Variants in FHIT observed in about 807,000 individuals in gnomAD.
The protein encoded by FHIT is fragile histidine triad diadenosine triphosphatase, also known as bis(5'-adenosyl)-triphosphatase.
Under a neutral mutation model 17.9 loss-of-function variants are expected in FHIT, and 19 were observed. The ratio of observed to expected loss-of-function variants is 1.06; its 90% CI spans 0.74 to 1.56. The LOEUF (loss-of-function observed/expected upper bound fraction) is 1.56, where lower values mean the gene tolerates loss of function less well. Ranked by LOEUF, FHIT falls within the 40% of genes most tolerant of loss-of-function variation. The pLI is 0.00. For missense variants in FHIT, 248 were observed against 189.2 expected, an observed-to-expected ratio of 1.31 and a Z score of -1.82; for synonymous variants, 81 against 69.7, an observed-to-expected ratio of 1.16 and a Z score of -0.81.
intron 4 of FHIT, among the ~76,000 whole-genome samples, chr3:60,632,177 G>T (rs906150611): frequency 1.4e-4 from 22 of 152,034 alleles, no homozygotes; most frequent in Admixed American, 1.4e-3. Flanking sequence ...ATCTTCAGGG[G>T]CTGACTAATT....
At chr3:60,957,609 CTTT>C (rs1435580795) in intron 3 of FHIT, among the ~76,000 whole-genome samples, 1 of 152,196 alleles carries the variant, frequency 6.6e-6, no homozygotes, top group East Asian at 1.9e-4. Flanking sequence ...ACTGCATATT[CTTT>C]TTTCAGTTAA....
chr3:61,014,806 A>AT lies in FHIT; in HGVS notation c.-111+27240_-111+27241insA, dbSNP rs1425224966. Among the ~76,000 whole-genome samples the AT allele has an allele frequency of 5.0e-3, 536 of 107,800 alleles. 23 individuals carry two copies. The highest frequency in any genetic ancestry group is 0.015 in the African/African-American group (456 of 29,632). The allele number at this position is 107,800 out of a possible 152,430, so 70.7% of individuals were successfully genotyped here. ...AAAAAAAAAAAAAAAAAAAAAAAAA[A>AT]AATATATATATATATATATGTATAC... On this transcript the variant is annotated intron_variant, in intron 3 of 9. Transcript: ENST00000492590.
chr3:60,676,831 GT>G (rs545047068), intron 4 of FHIT, among the ~76,000 whole-genome samples: 1 of 151,880 alleles, frequency 6.6e-6, no homozygotes, highest in Admixed American at 6.6e-5. Flanking sequence ...TTTAATTACT[GT>G]TTTTTTCTTT....
chr3:60,879,537 A>C (rs940649523), intron 3 of FHIT, among the ~76,000 whole-genome samples: 1 of 152,248 alleles, frequency 6.6e-6, no homozygotes, highest in African/African-American at 2.4e-5. Context: ...TCAATGCCAA[A>C]GGAACAAAAT....
In FHIT at chr3:60,246,684, A is replaced by G. The variant is rs117842828; in HGVS notation, c.104-232532T>C. ...GCTCTGTATTCAGCTTTTCTGAATT[A>G]TATTTACTCCTATTTAAAGTGAAAT... On this transcript the variant is annotated intron_variant, in intron 5 of 9. Coordinates refer to ENST00000492590, the MANE Select transcript of FHIT (RefSeq NM_002012.4). Among the ~76,000 whole-genome samples, 4 of 152,230 alleles carry G rather than the reference A, an allele frequency of 2.6e-5. No individual in the cohort carries two copies. The East Asian group carries it at 7.7e-4, about 29-fold the overall frequency.
chr3:60,330,531 C>T lies in FHIT; in HGVS notation c.103+206329G>A, dbSNP rs145607612. Among the ~76,000 whole-genome samples the T allele has an allele frequency of 6.0e-3, 909 of 152,278 alleles. 11 individuals are homozygous for T. Among genetic ancestry groups the T allele is most frequent in the African/African-American group, 0.021 (855 of 41,558 alleles). On this transcript the variant is annotated intron_variant, in intron 5 of 9. Coordinates refer to ENST00000492590, the MANE Select transcript of FHIT (RefSeq NM_002012.4). Reference sequence around the variant, plus strand: ...TTCTACGTCTGCACTTTCAGCATGGCCACGAAACTCAGCACCTGTTTATCT... The same window carrying T: ...TTCTACGTCTGCACTTTCAGCATGGTCACGAAACTCAGCACCTGTTTATCT...
chr3:59,913,296 A>T (rs1330245458), intron 8 of FHIT, among the ~76,000 whole-genome samples: 2 of 152,140 alleles, frequency 1.3e-5, no homozygotes, highest in Non-Finnish European at 2.9e-5. Flanking sequence ...TGTCTAAGAA[A>T]ATCGCTTTTC....
rs567986491 is a variant in FHIT, at chr3:61,153,033, C to T, written c.-164+47584G>A. Among the ~76,000 whole-genome samples, 7 of 151,812 alleles carry T rather than the reference C, an allele frequency of 4.6e-5. No homozygotes were observed. In the South Asian group the frequency reaches 1.0e-3, roughly 23 times the overall value. On this transcript the variant is annotated intron_variant, in intron 2 of 9. Transcript: ENST00000492590. ...TGACACGCACCTGTAGTCTCAACTA[C>T]TCAGGAGGCTGAGGCAGGTGAATTG...
chr3:60,748,919 A>G (rs1320829203), intron 4 of FHIT, among the ~76,000 whole-genome samples: 2 of 152,232 alleles, frequency 1.3e-5, no homozygotes, highest in Non-Finnish European at 2.9e-5. Context: ...ACAAGAGAAA[A>G]AAGTCTATAC....
At chr3:60,027,940 A>G (rs757553612) in intron 5 of FHIT, among the ~76,000 whole-genome samples, 3 of 152,194 alleles carry the variant, frequency 2.0e-5, no homozygotes, top group Non-Finnish European at 4.4e-5. Flanking sequence ...AATCAACCAT[A>G]TTTAATTGCA....
At chr3:59,971,526 A>G (rs6446104) in intron 7 of FHIT, among the ~76,000 whole-genome samples, 71,648 of 152,000 alleles carry the variant, frequency 0.47, 19,682 homozygotes, top group South Asian at 0.62. Flanking sequence ...CCCATAATCA[A>G]TTGAAGAATT....
intron 5 of FHIT, among the ~76,000 whole-genome samples, chr3:60,339,146 G>A (rs529974523): frequency 2.9e-4 from 44 of 152,250 alleles, no homozygotes; most frequent in Admixed American, 5.2e-4. Context: ...ATGCATATGT[G>A]TGTTTATATA....
chr3:60,654,115 A>ACTTCCC (rs201976291), intron 4 of FHIT, among the ~76,000 whole-genome samples: 1,192 of 47,058 alleles, frequency 0.025, 14 homozygotes, highest in African/African-American at 0.096. Flanking sequence ...TTATGTGCCT[A>ACTTCCC]CTTCCCCTTC....
At chr3:60,439,797 G>C (rs915903533) in intron 5 of FHIT, among the ~76,000 whole-genome samples, 1 of 152,128 alleles carries the variant, frequency 6.6e-6, no homozygotes, top group African/African-American at 2.4e-5. Flanking sequence ...GAATATTCCA[G>C]ACTTGCTGCT....
At chr3:59,845,603 T>G (rs1275472529) in intron 8 of FHIT, among the ~76,000 whole-genome samples, 2 of 152,196 alleles carry the variant, frequency 1.3e-5, no homozygotes, top group African/African-American at 4.8e-5. Flanking sequence ...CTTCTGTTAC[T>G]GATTTCTAAT....
intron 5 of FHIT, among the ~76,000 whole-genome samples, chr3:60,255,043 T>C (rs182801543): frequency 1.2e-4 from 18 of 152,330 alleles, no homozygotes; most frequent in African/African-American, 3.4e-4. Context: ...GCATGTATTT[T>C]GCATTAGCAT....
intron 5 of FHIT, among the ~76,000 whole-genome samples, chr3:60,410,167 T>A (rs1702011480): frequency 6.6e-6 from 1 of 152,184 alleles, no homozygotes; most frequent in South Asian, 2.1e-4. Context: ...TGGCTGCATC[T>A]AGAGAGAGGC....
At chr3:59,855,888 T>C (rs1159968051) in intron 8 of FHIT, among the ~76,000 whole-genome samples, 1 of 151,878 alleles carries the variant, frequency 6.6e-6, no homozygotes, top group African/African-American at 2.4e-5. Flanking sequence ...TCATGCCATT[T>C]TCCTGCCTCA....
chr3:60,957,233 C>CTTTT (rs35221092), intron 3 of FHIT, among the ~76,000 whole-genome samples: 427 of 97,034 alleles, frequency 4.4e-3, no homozygotes, highest in East Asian at 0.011. Flanking sequence ...TTCTTTCTTT[C>CTTTT]TTTTTTTTTT....
Sources: gnomAD v4.1 joint callset for allele counts (sites outside exome capture counted in the v4.1 genomes callset) on GRCh38, gnomAD v4.1.1 for gene constraint, MANE v1.5 for transcripts, NCBI Gene and HGNC (gene_info 2026-07-23, HGNC 2026-07-21) for gene names.